Variants in ROBO1 observed in about 807,000 individuals in gnomAD.
The protein encoded by ROBO1 is roundabout homolog 1.
A neutral mutation model predicts 195.9 loss-of-function variants in ROBO1; 149 were observed. That is an observed-to-expected ratio of 0.76 (90% CI 0.67 to 0.87). The LOEUF is 0.87. ROBO1 is among the 40% of genes least tolerant of loss of function. ROBO1 has a pLI of 0.00. For missense variants in ROBO1, 1,933 were observed against 2,068.3 expected (o/e 0.93, Z 1.27); for synonymous variants, 816 against 733.2 (o/e 1.11, Z -1.82).
At chr3:79,726,596 C>T (rs540260276) in intron 1 of ROBO1, among the ~76,000 whole-genome samples, 2 of 152,112 alleles carry the variant, frequency 1.3e-5, no homozygotes, top group Admixed American at 1.3e-4. Flanking sequence ...TCCATATTTT[C>T]TTGTTCTCAT....
rs572093687 is a variant in ROBO1 at position 79,413,976 on chromosome 3, C to CA, written c.88+175847dup. On this transcript the variant is annotated intron_variant, in intron 2 of 30. Transcript: ENST00000464233. ...TCATACCAAGAAACTTTCCATTTTC[C>CA]AAAAAAGCATGAACTTCCAGTCTGT... 1.2e-3 allele frequency among the ~76,000 whole-genome samples: 180 copies of CA among 152,044 alleles called. 1 individual carries two copies. Among genetic ancestry groups the CA allele is most frequent in the African/African-American group, 4.2e-3 (173 of 41,492 alleles).
intron 1 of ROBO1, among the ~76,000 whole-genome samples, chr3:79,593,820 T>TG (rs768485812): frequency 6.6e-6 from 1 of 152,030 alleles, no homozygotes; most frequent in African/African-American, 2.4e-5. Flanking sequence ...TTTTACCATG[T>TG]GGCCCAGGCT....
intron 4 of ROBO1, among the ~76,000 whole-genome samples, chr3:78,800,937 G>C (rs952403754): frequency 6.6e-6 from 1 of 152,092 alleles, no homozygotes; most frequent in East Asian, 1.9e-4. Context: ...ATATAAAATA[G>C]TTCACCAATA....
At chr3:79,207,765 G>T (rs1485529434) in intron 2 of ROBO1, among the ~76,000 whole-genome samples, 3 of 146,650 alleles carry the variant, frequency 2.0e-5, no homozygotes. Flanking sequence ...ATATAAGATT[G>T]AATTGGTGAC....
At chr3:79,125,589 A>G (rs1359153201) in intron 2 of ROBO1, 50 bp from the exon 3 acceptor site, 3 of 1,423,672 alleles carry the variant, frequency 2.1e-6, no homozygotes, top group Non-Finnish European at 3.0e-6. Flanking sequence ...TAGTAACAGT[A>G]GTTGCCATTT....
chr3:79,729,594 C>T (rs1231570830), intron 1 of ROBO1, among the ~76,000 whole-genome samples: 6 of 152,116 alleles, frequency 3.9e-5, no homozygotes, highest in Non-Finnish European at 5.9e-5. Context: ...TTATATCCAT[C>T]CAATTGCTGT....
At chr3:78,868,355 C>T (rs2035310553) in intron 4 of ROBO1, among the ~76,000 whole-genome samples, 1 of 148,054 alleles carries the variant, frequency 6.8e-6, no homozygotes, top group Non-Finnish European at 1.5e-5. Context: ...AAAATAAATT[C>T]AAGTTCTAAT....
chr3:79,333,330 C>A (rs180729895), intron 2 of ROBO1, among the ~76,000 whole-genome samples: 2 of 152,086 alleles, frequency 1.3e-5, no homozygotes, highest in Non-Finnish European at 2.9e-5. Context: ...AAAACACATG[C>A]GCAACCATGT....
intron 2 of ROBO1, among the ~76,000 whole-genome samples, chr3:79,450,488 T>C (rs1208004206): frequency 6.6e-6 from 1 of 152,148 alleles, no homozygotes; most frequent in Non-Finnish European, 1.5e-5. Context: ...TTTTCAGTTA[T>C]ACGAATAATG....
chr3:78,655,303 C>T (rs1160884049), intron 18 of ROBO1, among the ~76,000 whole-genome samples: 1 of 152,134 alleles, frequency 6.6e-6, no homozygotes, highest in Non-Finnish European at 1.5e-5. Context: ...TGGGAGGAGC[C>T]TTCCTAGCCA....
At chr3:79,339,257 GCTC>G (rs2034809778) in intron 2 of ROBO1, among the ~76,000 whole-genome samples, 1 of 152,044 alleles carries the variant, frequency 6.6e-6, no homozygotes, top group African/African-American at 2.4e-5. Flanking sequence ...ATGTAAATCA[GCTC>G]ACAATAGTCT....
chr3:79,148,901 G>T (rs1359867586), intron 2 of ROBO1, among the ~76,000 whole-genome samples: 1 of 151,820 alleles, frequency 6.6e-6, no homozygotes, highest in Non-Finnish European at 1.5e-5. Flanking sequence ...TAGAATGCAG[G>T]TGCTCAGAAC....
chr3:79,465,946 T>G (rs1937933038), intron 2 of ROBO1, among the ~76,000 whole-genome samples: 1 of 152,094 alleles, frequency 6.6e-6, no homozygotes, highest in Non-Finnish European at 1.5e-5. Context: ...TCTTTCATTT[T>G]TCTTATGGTC....
intron 1 of ROBO1, among the ~76,000 whole-genome samples, chr3:79,726,197 A>C (rs937153046): frequency 6.6e-6 from 1 of 152,190 alleles, no homozygotes; most frequent in African/African-American, 2.4e-5. Flanking sequence ...TAGACAAAGA[A>C]TGCCTTAGGG....
intron 1 of ROBO1, among the ~76,000 whole-genome samples, chr3:79,623,138 A>T (rs1444763202): frequency 1.3e-5 from 2 of 149,530 alleles, no homozygotes; most frequent in Non-Finnish European, 3.0e-5. Context: ...AATGGCATCA[A>T]CAACAACAAC....
intron 2 of ROBO1, among the ~76,000 whole-genome samples, chr3:79,128,383 T>C (rs2080257614): frequency 1.3e-5 from 2 of 152,150 alleles, no homozygotes; most frequent in South Asian, 4.1e-4. Flanking sequence ...TGCTTCTCAT[T>C]TGTGTACCTA....
At chr3:79,746,374 C>T (rs1252753748) in intron 1 of ROBO1, among the ~76,000 whole-genome samples, 1 of 151,776 alleles carries the variant, frequency 6.6e-6, no homozygotes, top group East Asian at 1.9e-4. Context: ...ACTTGTGATA[C>T]AAGCATTAAT....
chr3:78,601,382 A>G (rs1703161757), intron 29 of ROBO1, among the ~76,000 whole-genome samples: 2 of 152,180 alleles, frequency 1.3e-5, no homozygotes, highest in Admixed American at 1.3e-4. Context: ...GTCTTCCTTG[A>G]TAGCGTCTTG....
At chr3:79,654,481 T>A (rs1027974097) in intron 1 of ROBO1, among the ~76,000 whole-genome samples, 1 of 151,948 alleles carries the variant, frequency 6.6e-6, no homozygotes, top group African/African-American at 2.4e-5. Flanking sequence ...TAAAATGAAA[T>A]GATTATTTCT....
Sources: gnomAD v4.1 joint callset for allele counts (sites outside exome capture counted in the v4.1 genomes callset) on GRCh38, gnomAD v4.1.1 for gene constraint, MANE v1.5 for transcripts, NCBI Gene and HGNC (gene_info 2026-07-23, HGNC 2026-07-21) for gene names.